The following SGSM2 variants were observed in gnomAD, a reference collection of about 807,000 sequenced individuals.
SGSM2 encodes the protein RUN and TBC1 domain containing 1.
SGSM2 carries 89 observed loss-of-function variants against 126.6 expected under a neutral mutation model. The observed-to-expected ratio is 0.70, with a 90% CI of 0.59 to 0.84. The LOEUF is 0.84. Ranked by LOEUF, SGSM2 falls within the 40% of genes least tolerant of loss-of-function variation. The pLI is 0.00. For synonymous variants in SGSM2, 614 were observed against 574.3 expected, an observed-to-expected ratio of 1.07 and a Z score of -0.99; for missense variants, 1,404 against 1,416.6, an observed-to-expected ratio of 0.99 and a Z score of 0.14.
At chr17:2,354,618 G>A (rs2065014061) in intron 2 of SGSM2, among the ~76,000 whole-genome samples, 1 of 152,196 alleles carries the variant, frequency 6.6e-6, no homozygotes, top group African/African-American at 2.4e-5. Flanking sequence ...AGTTATATCT[G>A]TAGGACGGAT....
rs1246459147 is a variant in SGSM2, at chr17:2,338,936, G to A, written c.57+1191G>A. On this transcript the variant is annotated intron_variant, in intron 1 of 23. Transcript: ENST00000268989. Reference sequence around the variant, plus strand: ...AAGCCAGGGGTGGTGGTGCGTGCCTGTAATCCCAGCTACCCGGGAGACTGA... The same window carrying A: ...AAGCCAGGGGTGGTGGTGCGTGCCTATAATCCCAGCTACCCGGGAGACTGA... Among the ~76,000 whole-genome samples, 7 of 151,916 alleles carry A rather than the reference G, an allele frequency of 4.6e-5. No individual in the cohort carries two copies. The East Asian group carries it at 1.2e-3, about 26-fold the overall frequency.
rs2151633249 is a variant in SGSM2 at position 2,375,515 on chromosome 17, G to A, written c.2124G>A (p.Leu708=). 6.2e-7 allele frequency: 1 copy of A among 1,611,302 alleles called. No individual in the cohort carries two copies. Among genetic ancestry groups the A allele is most frequent in the East Asian group, 2.2e-5 (1 of 44,840 alleles). ...SNDVFISVDD[L]EPPEPQDPED... is the part of the protein sequence containing the mutation. ...AGGTGTTTATCTCAGTGGATGATCT[G>A]GAACCCCCGGAGCCCCAGGACCCTG... The change falls in exon 18 of 24, where the codon CTG becomes CTA. Residue 708 remains leucine, a synonymous_variant. Transcript: ENST00000268989.
chr17:2,352,780 T>C (rs964003534), intron 2 of SGSM2, among the ~76,000 whole-genome samples: 2,610 of 133,818 alleles, frequency 0.02, 146 homozygotes, highest in African/African-American at 0.072. Flanking sequence ...TTTTTTTTTT[T>C]TTTTTTTTTT....
chr17:2,341,256 T>C (rs1040833906), intron 1 of SGSM2, among the ~76,000 whole-genome samples: 5 of 152,200 alleles, frequency 3.3e-5, no homozygotes, highest in Admixed American at 6.5e-5. Flanking sequence ...TAGCTGGGAT[T>C]ACTGGCACCC....
rs1285275886 is a variant in SGSM2 at position 2,343,686 on chromosome 17, GA to G, written c.133+70del. The stretch of plus-strand genomic sequence containing the variant: ...GCCGAGGACACTGGCCTGGGGCCAG[GA>G]AAAGATGAGTCCTCAGGTGCAGTAG... On this transcript the variant is annotated intron_variant, in intron 2 of 23. Transcript: ENST00000268989. 9 of 1,393,384 alleles carry G rather than the reference GA, an allele frequency of 6.5e-6. No homozygotes were observed. The African/African-American group carries it at 1.3e-4, about 20-fold the overall frequency. 86.3% of individuals were successfully genotyped at this position (1,393,384 alleles called of 1,614,324 possible).
At chr17:2,345,164 A>G (rs1267665935) in intron 2 of SGSM2, among the ~76,000 whole-genome samples, 1 of 152,074 alleles carries the variant, frequency 6.6e-6, no homozygotes, top group Admixed American at 6.6e-5. Context: ...GCAACTTTGA[A>G]GAGTATTAGA....
At chr17:2,373,105 G>GGCT (rs1436352914) in intron 16 of SGSM2, 24 bp downstream of exon 16, 10 of 1,591,594 alleles carry the variant, frequency 6.3e-6, no homozygotes, top group African/African-American at 1.4e-5. Flanking sequence ...GTTCCCATGG[G>GGCT]GCTGATGAGA....
At chr17:2,358,690 C>A (rs1311372294) in intron 2 of SGSM2, among the ~76,000 whole-genome samples, 1 of 150,570 alleles carries the variant, frequency 6.6e-6, no homozygotes, top group Admixed American at 6.6e-5. Context: ...CCAGACCAGG[C>A]AATAGAGTGA....
At chr17:2,352,670 A>C (rs2064905381) in intron 2 of SGSM2, among the ~76,000 whole-genome samples, 1 of 151,780 alleles carries the variant, frequency 6.6e-6, no homozygotes, top group Non-Finnish European at 1.5e-5. Flanking sequence ...ATATATATGC[A>C]CATGAGAGCC....
At position 2,364,946 on chromosome 17, in the gene SGSM2, G is replaced by A. The variant is rs746330644; in HGVS notation, c.1050G>A (p.Pro350=). The change falls in exon 10 of 24, where the codon CCG becomes CCA. Residue 350 remains proline, a synonymous_variant. Coordinates refer to ENST00000268989, the MANE Select transcript of SGSM2 (RefSeq NM_014853.3). ...TGAGCCAGGATGGCATCCAGAGGCC[G>A]CCGCTGCATTTCCCACAGGGAGGAC... ...VLVSQDGIQR[P]PLHFPQGGHL... 24 of 1,612,904 alleles carry A rather than the reference G, an allele frequency of 1.5e-5. No individual in the cohort carries two copies. In the South Asian group the frequency reaches 2.1e-4, roughly 14 times the overall value.
rs780855783 is a variant in SGSM2, at chr17:2,373,066, G to A, written c.1902G>A (p.Lys634=). 1.2e-6 allele frequency: 2 copies of A among 1,610,252 alleles called. No homozygotes were observed. Among genetic ancestry groups the A allele is most frequent in the South Asian group, 2.2e-5 (2 of 90,426 alleles). Reference sequence around the variant, plus strand: ...GCCACTACAAGTTCGGCATGAGCAAGAAGGAGATGGAGCAGGTGAGGGGAG... The same window carrying A: ...GCCACTACAAGTTCGGCATGAGCAAAAAGGAGATGGAGCAGGTGAGGGGAG... The part of the protein sequence containing the change: ...LLGHYKFGMS[K]KEMEQVDAVV... Residue 634 remains lysine (K), a synonymous_variant, in exon 16 of 24, where the codon AAG becomes AAA. Transcript: ENST00000268989.
Position 2,376,251 on chromosome 17 carries a change from G to T in SGSM2, c.2599G>T (p.Val867Phe). The T allele has an allele frequency of 1.2e-6, 2 of 1,613,712 alleles. No individual in the cohort carries two copies. Among genetic ancestry groups the T allele is most frequent in the Non-Finnish European group, 1.7e-6 (2 of 1,179,980 alleles). Residue 867 changes from valine to phenylalanine, a missense_variant, in exon 19 of 24, where the codon GTC becomes TTC. Transcript: ENST00000268989. ...TPPNLERLRD[V>F]MCSYVWEHLD... Reference sequence around the variant, plus strand: ...CCCCAACCTCGAGAGGCTCAGAGACGTCATGTGCAGGTGCCTTGTGGGGCG... The same window carrying T: ...CCCCAACCTCGAGAGGCTCAGAGACTTCATGTGCAGGTGCCTTGTGGGGCG...
At position 2,363,214 on chromosome 17, in the gene SGSM2, C is replaced by A; in HGVS notation, c.672+80C>A. On this transcript the variant is annotated intron_variant, in intron 6 of 23. Coordinates refer to ENST00000268989, the MANE Select transcript of SGSM2 (RefSeq NM_014853.3). The surrounding 1 kb of genome is among the most constrained non-coding windows in gnomAD (Gnocchi z 4.2). The stretch of plus-strand genomic sequence containing the variant: ...TAGGGACGGGAAACCGGCCTCTCTA[C>A]GGGACAGGCCTTGGAGATGCCCCAA... 6.8e-7 allele frequency: 1 copy of A among 1,479,114 alleles called. No homozygotes were observed. The highest frequency in any genetic ancestry group is 9.0e-7 in the Non-Finnish European group (1 of 1,110,982). The allele number at this position is 1,479,114 out of a possible 1,614,324, so 91.6% of individuals were successfully genotyped here.
chr17:2,370,050 T>G (rs1387361193), intron 12 of SGSM2, among the ~76,000 whole-genome samples: 1 of 152,056 alleles, frequency 6.6e-6, no homozygotes, highest in Non-Finnish European at 1.5e-5. Flanking sequence ...AGCTCAGCCC[T>G]CCTCACCAAG....
In SGSM2 at chr17:2,363,429, C is replaced by A; in HGVS notation, c.673-36C>A. 1 of 1,610,950 alleles carries A rather than the reference C, an allele frequency of 6.2e-7. No homozygotes were observed. On this transcript the variant is annotated intron_variant, in intron 6 of 23. Transcript: ENST00000268989. This position sits in a 1 kb window ranked among gnomAD's most constrained non-coding sequence, Gnocchi z 4.2. The stretch of plus-strand genomic sequence containing the variant: ...GTTCCCAAGCCTTGAGGCCAGTTTC[C>A]CAAGGCTGGAGGCTGAGCCCCGGCC...
At chr17:2,370,067 C>T (rs1390837152) in intron 12 of SGSM2, among the ~76,000 whole-genome samples, 1 of 152,228 alleles carries the variant, frequency 6.6e-6, no homozygotes, top group African/African-American at 2.4e-5. Context: ...CAAGGCACAC[C>T]CAGAGCTGGA....
At chr17:2,373,738 G>C in intron 17 of SGSM2, 1 of 544,174 alleles carries the variant, frequency 1.8e-6, no homozygotes, top group Non-Finnish European at 3.3e-6. Context: ...ATTGTGCTCA[G>C]TTTTAGCCAA....
rs1199646805 is a variant in SGSM2 at position 2,362,487 on chromosome 17, T to G, written c.458+217T>G. ...CCAAAAACTGCAGGTGACCGCCCCG[T>G]TCCCCAAAAACTGCAGGTGACCGCC... On this transcript the variant is annotated intron_variant, in intron 4 of 23. Transcript: ENST00000268989. This position sits in a 1 kb window ranked among gnomAD's most constrained non-coding sequence, Gnocchi z 4.9. Among the ~76,000 whole-genome samples the G allele has an allele frequency of 2.1e-5, 3 of 144,848 alleles. No homozygotes were observed. Among genetic ancestry groups the G allele is most frequent in the Non-Finnish European group, 4.5e-5 (3 of 66,398 alleles).
rs528983478 is a variant in SGSM2, at chr17:2,372,817, C to A, written c.1789-136C>A. ...CTGGGGCACGGGAGGACGTGGCCAC[C>A]CCAAAGCAGGCCTTGCCTGGGCTTC... On this transcript the variant is annotated intron_variant, in intron 15 of 23. Coordinates refer to ENST00000268989, the MANE Select transcript of SGSM2 (RefSeq NM_014853.3). This position sits in a 1 kb window ranked among gnomAD's most constrained non-coding sequence, Gnocchi z 6.0. 2 of 1,266,652 alleles carry A rather than the reference C, an allele frequency of 1.6e-6. No individual in the cohort carries two copies. The highest frequency in any genetic ancestry group is 1.5e-5 in the African/African-American group (1 of 66,508). The allele number at this position is 1,266,652 out of a possible 1,614,324, so 78.5% of individuals were successfully genotyped here.
Sources: allele counts gnomAD v4.1 joint callset (sites outside exome capture counted in the v4.1 genomes callset), GRCh38; gene constraint gnomAD v4.1.1; non-coding constraint Gnocchi (gnomAD v3.1); transcripts MANE v1.5; gene names NCBI Gene and HGNC (gene_info 2026-07-23, HGNC 2026-07-21).